OPRM1: variants seen among roughly 807,000 people sequenced by gnomAD.
OPRM1 encodes opioid receptor mu 1.
Under a neutral mutation model 31.8 loss-of-function variants are expected in OPRM1, and 27 were observed. That is an observed-to-expected ratio of 0.85 (90% CI 0.63 to 1.17). OPRM1 has a LOEUF of 1.17. Ranked by LOEUF, OPRM1 falls within the 50% of genes most tolerant of loss-of-function variation. OPRM1 has a pLI of 0.00. For synonymous variants in OPRM1, 196 were observed against 189.9 expected, an observed-to-expected ratio of 1.03 and a Z score of -0.26; for missense variants, 536 against 511.1, an observed-to-expected ratio of 1.05 and a Z score of -0.47.
Position 154,090,109 on chromosome 6 carries a change from T to C in OPRM1, c.574T>C (p.Cys192Arg). ...TPRNAKIINVCNWILSSAIGL... is the reference protein window; with the variant it reads ...TPRNAKIINVRNWILSSAIGL... ...CCGAAATGCCAAAATTATCAATGTC[T>C]GCAACTGGATCCTCTCTTCAGCCAT... The change falls in exon 2 of 4, where the codon TGC becomes CGC. Residue 192 changes from cysteine to arginine, a missense_variant. By Grantham distance (180) the Cys-to-Arg change is radical (BLOSUM62 -3). Transcript: ENST00000330432. 1 of 1,614,142 alleles carries C rather than the reference T, an allele frequency of 6.2e-7. No individual in the cohort carries two copies. Among genetic ancestry groups the C allele is most frequent in the Non-Finnish European group, 8.5e-7 (1 of 1,180,002 alleles).
rs181273873 is a variant in OPRM1 at position 154,241,190 on chromosome 6, C to T, written c.1165-5503C>T. On this transcript the variant is annotated intron_variant, in intron 3 of 3. Transcript: ENST00000337049. ...GGCGGAGGTTGCAGTGAGCCGAGAT[C>T]GCGCCACTGCACTTCAGCCTAGCAA... Among the ~76,000 whole-genome samples, 17 of 146,238 alleles carry T rather than the reference C, an allele frequency of 1.2e-4. No homozygotes were observed. The South Asian group carries it at 1.3e-3, about 11-fold the overall frequency.
chr6:154,091,799 T>C (rs1276167656), intron 3 of OPRM1: 1 of 1,038,924 alleles, frequency 9.6e-7, no homozygotes, highest in Non-Finnish European at 1.2e-6. Flanking sequence ...ATCCTTTTCA[T>C]TTTCCCCAGA....
intron 3 of OPRM1, among the ~76,000 whole-genome samples, chr6:154,139,556 G>T (rs1184883912): frequency 6.6e-6 from 1 of 152,162 alleles, no homozygotes; most frequent in East Asian, 1.9e-4. Flanking sequence ...AGTGCTTTGA[G>T]GATCTCATGT....
chr6:154,174,126 A>G (rs1407578187), intron 3 of OPRM1, among the ~76,000 whole-genome samples: 1 of 152,194 alleles, frequency 6.6e-6, no homozygotes, highest in Non-Finnish European at 1.5e-5. Context: ...AAATGCTGAG[A>G]GATTTTGTCA....
At chr6:154,089,729 C>T in intron 1 of OPRM1, 97 bp from the exon 2 acceptor site, 1 of 817,960 alleles carries the variant, frequency 1.2e-6, no homozygotes, top group Non-Finnish European at 1.9e-6. Context: ...CTCAAAAAAG[C>T]TTTCTACTAA....
At chr6:154,227,021 ACT>A (rs1423583263) in intron 3 of OPRM1, among the ~76,000 whole-genome samples, 32 of 152,070 alleles carry the variant, frequency 2.1e-4, no homozygotes, top group South Asian at 6.2e-4. Flanking sequence ...ACATGGTGAA[ACT>A]CTATCTCTAC....
rs375718390 is a variant in OPRM1, at chr6:154,169,864, T to A, written c.1165-76829T>A. ...GGCCAAGGAGACTCAGTTCCAAGAC[T>A]TTGGAGTATCAGATAAGTAATCTCT... On this transcript the variant is annotated intron_variant, in intron 3 of 3. Coordinates refer to the OPRM1 transcript ENST00000337049. Among the ~76,000 whole-genome samples, 187 of 152,328 alleles carry A rather than the reference T, an allele frequency of 1.2e-3. 3 individuals carry two copies. In the South Asian group the frequency reaches 0.037, roughly 30 times the overall value.
chr6:154,079,144 TAAAC>T (rs999972888), intron 1 of OPRM1, among the ~76,000 whole-genome samples: 3 of 151,976 alleles, frequency 2.0e-5, no homozygotes, highest in African/African-American at 2.4e-5. Context: ...TATGGGGAAA[TAAAC>T]AAAAGGAATC....
intron 1 of OPRM1, among the ~76,000 whole-genome samples, chr6:154,051,112 A>C (rs1782108385): frequency 6.6e-6 from 1 of 152,204 alleles, no homozygotes; most frequent in Admixed American, 6.5e-5. Flanking sequence ...TTTTCAGTAA[A>C]GCTCTAAAAC....
intron 1 of OPRM1, chr6:154,074,562 CCAG>C (rs1562430578): frequency 6.6e-6 from 1 of 152,044 alleles, no homozygotes; most frequent in African/African-American, 2.4e-5. Context: ...AAGTTCAAGA[CCAG>C]CCTCGCCAAG....
At chr6:154,061,602 A>C (rs1003402574) in intron 1 of OPRM1, among the ~76,000 whole-genome samples, 1 of 152,170 alleles carries the variant, frequency 6.6e-6, no homozygotes, top group African/African-American at 2.4e-5. Flanking sequence ...TCTCACTTAT[A>C]AGTGAGAGCT....
chr6:154,072,606 T>C (rs1787026465), intron 1 of OPRM1, among the ~76,000 whole-genome samples: 1 of 152,148 alleles, frequency 6.6e-6, no homozygotes, highest in Non-Finnish European at 1.5e-5. Flanking sequence ...TTAGAGAATA[T>C]AAAGCAATAA....
chr6:154,054,537 A>G (rs1782846846), intron 1 of OPRM1, among the ~76,000 whole-genome samples: 2 of 152,188 alleles, frequency 1.3e-5, no homozygotes, highest in Admixed American at 1.3e-4. Context: ...TATGGATGAG[A>G]AAACTGAGTC....
At chr6:154,144,985 C>G (rs1395514152) in intron 3 of OPRM1, among the ~76,000 whole-genome samples, 2 of 151,960 alleles carry the variant, frequency 1.3e-5, no homozygotes, top group Non-Finnish European at 2.9e-5. Context: ...GGAACTCCAT[C>G]AACTAGATTT....
At chr6:154,073,027 A>G (rs1787127136) in intron 1 of OPRM1, among the ~76,000 whole-genome samples, 1 of 152,156 alleles carries the variant, frequency 6.6e-6, no homozygotes, top group Non-Finnish European at 1.5e-5. Context: ...TAGCTAAGTC[A>G]CTCCTCCTTT....
At chr6:154,169,493 T>A (rs1049149600) in intron 3 of OPRM1, among the ~76,000 whole-genome samples, 13 of 152,196 alleles carry the variant, frequency 8.5e-5, no homozygotes, top group African/African-American at 2.4e-4. Flanking sequence ...TAAAACACAG[T>A]GTGGGACAAA....
chr6:154,090,132 C>T lies in OPRM1; in HGVS notation c.597C>T (p.Ala199=). The change falls in exon 2 of 4, where the codon GCC becomes GCT. Residue 199 remains alanine, a synonymous_variant. Coordinates refer to ENST00000330432, the MANE Select transcript of OPRM1 (RefSeq NM_000914.5). The part of the protein sequence containing the change: ...INVCNWILSS[A]IGLPVMFMAT... ...TCTGCAACTGGATCCTCTCTTCAGC[C>T]ATTGGTCTTCCTGTAATGTTCATGG... 6.2e-7 allele frequency: 1 copy of T among 1,613,944 alleles called. No homozygotes were observed. The highest frequency in any genetic ancestry group is 8.5e-7 in the Non-Finnish European group (1 of 1,179,938).
chr6:154,093,155 T>C (rs1792674065), intron 3 of OPRM1: 5 of 830,272 alleles, frequency 6.0e-6, no homozygotes, highest in Non-Finnish European at 9.5e-6. Context: ...TGTTAAAGAT[T>C]GCAACTTAAA....
At chr6:154,138,675 A>G (rs1486189201) in intron 3 of OPRM1, among the ~76,000 whole-genome samples, 1 of 152,244 alleles carries the variant, frequency 6.6e-6, no homozygotes, top group Non-Finnish European at 1.5e-5. Flanking sequence ...GGCTGAACCA[A>G]CTTTGGGAGG....
Sources: allele counts gnomAD v4.1 joint callset (sites outside exome capture counted in the v4.1 genomes callset), GRCh38; gene constraint gnomAD v4.1.1; transcripts MANE v1.5; gene names NCBI Gene and HGNC (gene_info 2026-07-23, HGNC 2026-07-21).